Variants in EYS observed in about 807,000 individuals in gnomAD.
EYS encodes the protein protein eyes shut homolog.
A neutral mutation model predicts 282.1 loss-of-function variants in EYS; 250 were observed. The ratio of observed to expected loss-of-function variants is 0.89; its 90% CI spans 0.80 to 0.98. EYS has a LOEUF of 0.98. Among genes scored for constraint, EYS ranks in the 50% least tolerant of loss-of-function variants. The pLI is 0.00. For missense variants in EYS, 4,016 were observed against 3,709.0 expected, an observed-to-expected ratio of 1.08 and a Z score of -2.15; for synonymous variants, 1,355 against 1,282.9, an observed-to-expected ratio of 1.06 and a Z score of -1.20.
At position 65,209,174 on chromosome 6, in the gene EYS, G is replaced by T. The variant is rs557519329; in HGVS notation, c.2023+86689C>A. Among the ~76,000 whole-genome samples the T allele has an allele frequency of 2.0e-5, 3 of 151,600 alleles. No homozygotes were observed. The South Asian group carries it at 6.2e-4, about 32-fold the overall frequency. ...TATGCAAAATAATAAAAATAATTTT[G>T]ATAGTTTTCACAAAATGGTTGTGAG... On this transcript the variant is annotated intron_variant, in intron 12 of 42. Transcript: ENST00000503581.
chr6:65,440,647 G>T (rs1242874947), intron 5 of EYS, among the ~76,000 whole-genome samples: 1 of 151,024 alleles, frequency 6.6e-6, no homozygotes, highest in East Asian at 1.9e-4. Flanking sequence ...TCCTCATAAA[G>T]CTGACCATGT....
At chr6:64,826,872 A>T (rs926464083) in intron 19 of EYS, among the ~76,000 whole-genome samples, 2 of 151,500 alleles carry the variant, frequency 1.3e-5, no homozygotes, top group African/African-American at 4.8e-5. Flanking sequence ...GAACCTCAAA[A>T]CATACTTTAT....
chr6:65,062,682 C>T (rs1034973187), intron 12 of EYS, among the ~76,000 whole-genome samples: 2 of 151,786 alleles, frequency 1.3e-5, no homozygotes, highest in Admixed American at 1.3e-4. Flanking sequence ...ATTATTTTAC[C>T]AAACCCATTT....
chr6:63,941,502 A>G (rs1765238563), intron 35 of EYS, among the ~76,000 whole-genome samples: 1 of 152,152 alleles, frequency 6.6e-6, no homozygotes, highest in South Asian at 2.1e-4. Flanking sequence ...GTGTCTGTTC[A>G]TATCCTTCGT....
chr6:64,991,070 TA>T (rs1437798812), intron 14 of EYS, among the ~76,000 whole-genome samples: 1 of 151,510 alleles, frequency 6.6e-6, no homozygotes, highest in African/African-American at 2.4e-5. Flanking sequence ...TGAGGGAATT[TA>T]AGTTCTATTT....
intron 35 of EYS, among the ~76,000 whole-genome samples, chr6:63,946,917 A>T (rs1195946745): frequency 1.3e-5 from 2 of 151,998 alleles, no homozygotes; most frequent in African/African-American, 4.8e-5. Context: ...TACTGATGGT[A>T]TGTATGTATC....
intron 33 of EYS, among the ~76,000 whole-genome samples, chr6:64,021,440 C>G (rs1314172400): frequency 6.6e-6 from 1 of 151,820 alleles, no homozygotes; most frequent in African/African-American, 2.4e-5. Flanking sequence ...TGCTGGCAAA[C>G]TTCCTACAAT....
intron 22 of EYS, among the ~76,000 whole-genome samples, chr6:64,802,259 G>T (rs1583173278): frequency 6.6e-6 from 1 of 151,664 alleles, no homozygotes; most frequent in African/African-American, 2.4e-5. Context: ...CTCTGTGTTA[G>T]CCAGGATGGT....
At chr6:65,203,515 C>T (rs530901633) in intron 12 of EYS, among the ~76,000 whole-genome samples, 5 of 152,082 alleles carry the variant, frequency 3.3e-5, no homozygotes, top group Non-Finnish European at 5.9e-5. Context: ...GCCCCATAAA[C>T]GCAAAGCAAA....
intron 13 of EYS, among the ~76,000 whole-genome samples, chr6:65,006,503 CA>C (rs59057058): frequency 1.6e-3 from 136 of 83,304 alleles, no homozygotes; most frequent in African/African-American, 5.5e-3. Context: ...TATTCTAAGT[CA>C]AAAAAAAAAA....
intron 2 of EYS, among the ~76,000 whole-genome samples, chr6:65,624,131 A>G (rs1251155065): frequency 6.6e-6 from 1 of 152,214 alleles, no homozygotes; most frequent in Non-Finnish European, 1.5e-5. Flanking sequence ...TAAAATAATG[A>G]TATTAGGCAT....
chr6:65,544,017 T>TGTGTGTGTGC (rs2127324437), intron 2 of EYS, among the ~76,000 whole-genome samples: 2 of 135,686 alleles, frequency 1.5e-5, no homozygotes, highest in South Asian at 4.7e-4. Flanking sequence ...TGTGTGTGTG[T>TGTGTGTGTGC]GTGTGTGTGT....
intron 19 of EYS, among the ~76,000 whole-genome samples, chr6:64,864,382 C>CTTTTTTTTTTTTTTT (rs1562231995): frequency 5.2e-4 from 21 of 40,092 alleles, no homozygotes; most frequent in African/African-American, 1.5e-3. Flanking sequence ...GGTGCTATAC[C>CTTTTTTTTTTTTTTT]TTCTTTTTTT....
At chr6:64,546,535 C>A (rs1764875298) in intron 26 of EYS, among the ~76,000 whole-genome samples, 1 of 152,168 alleles carries the variant, frequency 6.6e-6, no homozygotes, top group African/African-American at 2.4e-5. Context: ...TCTAATTAAA[C>A]TAAAGAGCTT....
At chr6:64,390,228 G>A (rs906129363) in intron 28 of EYS, among the ~76,000 whole-genome samples, 8 of 152,158 alleles carry the variant, frequency 5.3e-5, no homozygotes, top group African/African-American at 1.9e-4. Flanking sequence ...GGCTTGATTA[G>A]GTAAACAAAG....
At chr6:64,341,040 C>T (rs1026279752) in intron 29 of EYS, among the ~76,000 whole-genome samples, 6 of 151,642 alleles carry the variant, frequency 4.0e-5, no homozygotes, top group Admixed American at 6.6e-5. Context: ...TTCAGAATGC[C>T]AATTATAAAA....
chr6:65,288,181 A>G (rs1768422928), intron 12 of EYS, among the ~76,000 whole-genome samples: 1 of 151,088 alleles, frequency 6.6e-6, no homozygotes, highest in African/African-American at 2.4e-5. Flanking sequence ...TGTAAGGAGT[A>G]TAAATGGACC....
chr6:64,544,103 T>C (rs975645506), intron 26 of EYS, among the ~76,000 whole-genome samples: 2 of 152,138 alleles, frequency 1.3e-5, no homozygotes, highest in African/African-American at 4.8e-5. Context: ...ACAGTTTGAG[T>C]TGTTTTGGAT....
chr6:65,010,005 A>T (rs965861731), intron 13 of EYS, among the ~76,000 whole-genome samples: 9 of 152,214 alleles, frequency 5.9e-5, no homozygotes, highest in African/African-American at 2.2e-4. Flanking sequence ...CAGAAATCCA[A>T]TACCCATTTA....
Sources: allele counts gnomAD v4.1 joint callset (sites outside exome capture counted in the v4.1 genomes callset), GRCh38; gene constraint gnomAD v4.1.1; transcripts MANE v1.5; gene names NCBI Gene and HGNC (gene_info 2026-07-23, HGNC 2026-07-21).